The following IL1RAPL1 variants were observed in gnomAD, a reference collection of about 807,000 sequenced individuals.
IL1RAPL1 encodes interleukin-1 receptor accessory protein-like 1.
In IL1RAPL1, 3 loss-of-function variants were observed where a neutral mutation model predicts 48.4. The ratio of observed to expected loss-of-function variants is 0.06; its 90% CI spans 0.03 to 0.16. The LOEUF (loss-of-function observed/expected upper bound fraction) is 0.16. Among genes scored for constraint, IL1RAPL1 ranks in the 10% least tolerant of loss-of-function variants. The pLI is 1.00. For synonymous variants in IL1RAPL1, 185 were observed against 187.7 expected, an observed-to-expected ratio of 0.99 and a Z score of 0.12; for missense variants, 349 against 530.6, an observed-to-expected ratio of 0.66 and a Z score of 3.36.
chrX:28,807,730 C>T (rs1417063715), intron 2 of IL1RAPL1, among the ~76,000 whole-genome samples: 1 of 111,038 alleles, frequency 9.0e-6, no homozygotes, highest in African/African-American at 3.3e-5. Context: ...AGATGTACGC[C>T]ATTTGTTCTC....
At chrX:29,194,354 T>C (rs1930404600) in intron 2 of IL1RAPL1, among the ~76,000 whole-genome samples, 1 of 112,642 alleles carries the variant, frequency 8.9e-6, no homozygotes, top group Non-Finnish European at 1.9e-5. Context: ...AACACAAAAA[T>C]GATTTATACA....
chrX:29,381,511 A>AAAAAAAC (rs1933698886), intron 3 of IL1RAPL1, among the ~76,000 whole-genome samples: 1 of 91,381 alleles, frequency 1.1e-5, no homozygotes, highest in Non-Finnish European at 2.2e-5. Flanking sequence ...AAAAAAAAAA[A>AAAAAAAC]AAAAAAAAAA....
intron 1 of IL1RAPL1, among the ~76,000 whole-genome samples, chrX:28,654,578 G>A (rs1210479478): frequency 8.9e-6 from 1 of 112,033 alleles, no homozygotes; most frequent in Non-Finnish European, 1.9e-5. Context: ...AATTCTAAAT[G>A]GAATGTGATT....
At chrX:29,579,312 CAGTG>C (rs1922883421) in intron 5 of IL1RAPL1, among the ~76,000 whole-genome samples, 1 of 111,693 alleles carries the variant, frequency 9.0e-6, no homozygotes, top group South Asian at 3.7e-4. Flanking sequence ...AATGAGGTCA[CAGTG>C]AGGCTGATAG....
chrX:29,648,743 C>T (rs1925422306), intron 5 of IL1RAPL1, among the ~76,000 whole-genome samples: 1 of 110,839 alleles, frequency 9.0e-6, no homozygotes, highest in Admixed American at 9.6e-5. Context: ...CAAGTAGAAA[C>T]TCAACCCAAA....
intron 2 of IL1RAPL1, among the ~76,000 whole-genome samples, chrX:29,215,733 C>T (rs1930855446): frequency 9.0e-6 from 1 of 111,597 alleles, no homozygotes; most frequent in Non-Finnish European, 1.9e-5. Flanking sequence ...TTTTTTATGA[C>T]AAAACATGCT....
rs753784430 is a variant in IL1RAPL1 at position 28,604,655 on chromosome X, A to G, written c.-25+16608A>G. 5.8e-3 allele frequency among the ~76,000 whole-genome samples: 527 copies of G among 91,261 alleles called. 3 individuals carry two copies. Among genetic ancestry groups the G allele is most frequent in the African/African-American group, 0.021 (494 of 23,321 alleles). The allele number at this position is 91,261 out of a possible 115,157, so 79.2% of individuals were successfully genotyped here. A position where few individuals can be genotyped will look rare whatever the true frequency, so the allele number is the denominator to read the frequency against. ...GGCAGGAGAATCACTTGAACCCGGGAGGCGGAGGTTGCAGTGAGCCGAGAT... is the reference window on the plus strand; with the variant it reads ...GGCAGGAGAATCACTTGAACCCGGGGGGCGGAGGTTGCAGTGAGCCGAGAT... On this transcript the variant is annotated intron_variant, in intron 1 of 10. Transcript: ENST00000378993.
At chrX:29,503,347 G>A (rs149535746) in intron 5 of IL1RAPL1, among the ~76,000 whole-genome samples, 1,204 of 111,033 alleles carry the variant, frequency 0.011, 13 homozygotes, top group African/African-American at 0.038. Flanking sequence ...TTTCAATTTC[G>A]TTTGTTTCTG....
At chrX:28,789,104 G>A (rs1936506056) in intron 1 of IL1RAPL1, among the ~76,000 whole-genome samples, 1 of 111,557 alleles carries the variant, frequency 9.0e-6, no homozygotes, top group African/African-American at 3.3e-5. Context: ...CATTTTGGGG[G>A]TGAGGGCTAT....
chrX:29,672,146 G>A (rs1434062261), intron 6 of IL1RAPL1, among the ~76,000 whole-genome samples: 1 of 111,395 alleles, frequency 9.0e-6, no homozygotes, highest in Non-Finnish European at 1.9e-5. Context: ...TCACATTTTT[G>A]TTATTATAAA....
intron 3 of IL1RAPL1, among the ~76,000 whole-genome samples, chrX:29,309,023 C>G (rs1406764035): frequency 8.9e-6 from 1 of 112,401 alleles, no homozygotes; most frequent in African/African-American, 3.2e-5. Flanking sequence ...CTTAGCACAG[C>G]TGCAGGGATT....
chrX:28,615,523 A>G (rs1405707294), intron 1 of IL1RAPL1, among the ~76,000 whole-genome samples: 1 of 110,448 alleles, frequency 9.1e-6, no homozygotes, highest in Non-Finnish European at 1.9e-5. Context: ...CCTATAAATA[A>G]TAAACATGCT....
intron 5 of IL1RAPL1, among the ~76,000 whole-genome samples, chrX:29,589,830 G>T (rs1168828086): frequency 9.0e-6 from 1 of 111,465 alleles, no homozygotes; most frequent in Non-Finnish European, 1.9e-5. Context: ...AAGAAAAGAG[G>T]TTTAATTGGC....
chrX:29,772,503 G>A (rs568203174), intron 6 of IL1RAPL1, among the ~76,000 whole-genome samples: 1 of 111,642 alleles, frequency 9.0e-6, no homozygotes, highest in South Asian at 3.8e-4. Flanking sequence ...AGTCCTATAA[G>A]TGTCCTTCTT....
At chrX:29,660,109 C>A (rs1032417425) in intron 5 of IL1RAPL1, among the ~76,000 whole-genome samples, 1 of 111,257 alleles carries the variant, frequency 9.0e-6, no homozygotes, top group Non-Finnish European at 1.9e-5. Flanking sequence ...CGAACTCACT[C>A]ACTATCATGA....
intron 3 of IL1RAPL1, among the ~76,000 whole-genome samples, chrX:29,377,763 G>A (rs1019307281): frequency 9.0e-6 from 1 of 111,591 alleles, no homozygotes; most frequent in Non-Finnish European, 1.9e-5. Context: ...TACATGACCT[G>A]AGCCCTCTCT....
intron 2 of IL1RAPL1, among the ~76,000 whole-genome samples, chrX:28,992,362 T>A (rs1266236658): frequency 9.2e-6 from 1 of 109,111 alleles, no homozygotes; most frequent in Non-Finnish European, 1.9e-5. Context: ...TGGTGGCACA[T>A]GCCTGTAATC....
intron 5 of IL1RAPL1, among the ~76,000 whole-genome samples, chrX:29,525,159 C>T (rs1204046658): frequency 8.9e-6 from 1 of 111,947 alleles, no homozygotes; most frequent in African/African-American, 3.2e-5. Context: ...CTTTCACAGG[C>T]CAGTTTATGA....
intron 6 of IL1RAPL1, among the ~76,000 whole-genome samples, chrX:29,700,739 G>A (rs1342643400): frequency 9.0e-6 from 1 of 111,384 alleles, no homozygotes; most frequent in Non-Finnish European, 1.9e-5. Flanking sequence ...TTGGTGACAC[G>A]TCAGGAGTTG....
Sources: allele counts gnomAD v4.1 joint callset (sites outside exome capture counted in the v4.1 genomes callset), GRCh38; gene constraint gnomAD v4.1.1; transcripts MANE v1.5; gene names NCBI Gene and HGNC (gene_info 2026-07-23, HGNC 2026-07-21).